CDK14: variants seen among roughly 807,000 people sequenced by gnomAD.
The protein encoded by CDK14 is cyclin dependent kinase 14.
CDK14 carries 34 observed loss-of-function variants against 60.7 expected under a neutral mutation model. The observed-to-expected ratio is 0.56, with a 90% CI of 0.43 to 0.75. The LOEUF is 0.75. Ranked by LOEUF, CDK14 falls within the 30% of genes least tolerant of loss-of-function variation. The pLI, the probability that CDK14 is intolerant of heterozygous loss-of-function variation, is 0.00. For missense variants in CDK14, 482 were observed against 564.1 expected (o/e 0.85, Z 1.47); for synonymous variants, 197 against 203.7 (o/e 0.97, Z 0.28).
intron 14 of CDK14, among the ~76,000 whole-genome samples, chr7:91,193,156 G>A (rs758234293): frequency 1.3e-5 from 2 of 152,082 alleles, no homozygotes; most frequent in African/African-American, 4.8e-5. Context: ...TCTGCAATAT[G>A]TTCTAAAATT....
intron 5 of CDK14, among the ~76,000 whole-genome samples, chr7:90,836,569 T>C (rs555606210): frequency 2.0e-5 from 3 of 152,174 alleles, no homozygotes; most frequent in Non-Finnish European, 4.4e-5. Context: ...AGAACCTGCC[T>C]AAGGCTGTTT....
chr7:90,873,433 CT>C (rs1401108737), intron 6 of CDK14, among the ~76,000 whole-genome samples: 1 of 152,196 alleles, frequency 6.6e-6, no homozygotes, highest in Non-Finnish European at 1.5e-5. Context: ...TAGTAAATGC[CT>C]GTCATGAAAA....
intron 3 of CDK14, among the ~76,000 whole-genome samples, chr7:90,743,799 T>A (rs1309256647): frequency 1.3e-5 from 2 of 152,124 alleles, no homozygotes; most frequent in African/African-American, 4.8e-5. Flanking sequence ...AATACTACTA[T>A]AGGTATTATT....
chr7:91,195,879 C>G (rs1802520619), intron 14 of CDK14, among the ~76,000 whole-genome samples: 1 of 152,202 alleles, frequency 6.6e-6, no homozygotes, highest in African/African-American at 2.4e-5. Flanking sequence ...TACTCCACCA[C>G]CCTCACCTAC....
At chr7:91,007,567 G>A (rs1796014219) in intron 10 of CDK14, among the ~76,000 whole-genome samples, 1 of 152,150 alleles carries the variant, frequency 6.6e-6, no homozygotes, top group South Asian at 2.1e-4. Flanking sequence ...ACTGTTACCA[G>A]TAATTGGCAG....
chr7:90,708,376 A>G (rs913244181), intron 2 of CDK14, among the ~76,000 whole-genome samples: 14 of 152,172 alleles, frequency 9.2e-5, no homozygotes, highest in Non-Finnish European at 1.5e-5. Context: ...CAGGTTCTTG[A>G]AAGACCTGTT....
rs75425709 is a variant in CDK14, at chr7:90,649,567, C to A, written c.123+45318C>A. 2.7e-4 allele frequency among the ~76,000 whole-genome samples: 41 copies of A among 150,694 alleles called. 1 individual carries two copies. The East Asian group carries it at 7.2e-3, about 27-fold the overall frequency. On this transcript the variant is annotated intron_variant, in intron 2 of 14. Transcript: ENST00000380050. ...TGTTGGTTTGCTGCATCCATTAACTCGTCATTTACATTAGGTATTTCTCCT... is the reference window on the plus strand; with the variant it reads ...TGTTGGTTTGCTGCATCCATTAACTAGTCATTTACATTAGGTATTTCTCCT...
chr7:91,030,645 G>A (rs1796735419), intron 10 of CDK14, among the ~76,000 whole-genome samples: 1 of 152,198 alleles, frequency 6.6e-6, no homozygotes, highest in South Asian at 2.1e-4. Context: ...CCTGTCACCT[G>A]GTAGAGGCAC....
chr7:91,114,392 C>T lies in CDK14; in HGVS notation c.1294+1711C>T, dbSNP rs117832831. 8.8e-3 allele frequency among the ~76,000 whole-genome samples: 1,340 copies of T among 152,168 alleles called. 7 individuals carry two copies. The highest frequency in any genetic ancestry group is 0.015 in the Non-Finnish European group (1,007 of 68,012). ...CTGCCAAGGGAGACAGCCTTGTCCC[C>T]GTCATTAACAAGCACAAAGTATGCA... On this transcript the variant is annotated intron_variant, in intron 13 of 14. Coordinates refer to ENST00000380050, the MANE Select transcript of CDK14 (RefSeq NM_001287135.2).
chr7:90,635,052 G>T (rs1319883745), intron 2 of CDK14, among the ~76,000 whole-genome samples: 3 of 152,210 alleles, frequency 2.0e-5, no homozygotes, highest in African/African-American at 7.2e-5. Flanking sequence ...CAGATGAGTA[G>T]GTTGTGAAAA....
chr7:90,718,690 T>C (rs963153497), intron 2 of CDK14, among the ~76,000 whole-genome samples: 29 of 152,306 alleles, frequency 1.9e-4, no homozygotes, highest in Middle Eastern at 3.4e-3. Context: ...CTTTGCTCTG[T>C]GTAGCCACTC....
intron 7 of CDK14, among the ~76,000 whole-genome samples, chr7:90,911,270 T>C (rs1792889649): frequency 2.0e-5 from 3 of 152,158 alleles, no homozygotes; most frequent in African/African-American, 7.2e-5. Flanking sequence ...CTGTTATTCA[T>C]AAAATAATGG....
chr7:90,828,518 A>AT (rs1456246692), intron 5 of CDK14, among the ~76,000 whole-genome samples: 2 of 71,204 alleles, frequency 2.8e-5, no homozygotes, highest in African/African-American at 5.7e-5. Flanking sequence ...TATTTGTTTA[A>AT]TATTTTTTTT....
intron 10 of CDK14, among the ~76,000 whole-genome samples, chr7:90,987,172 AT>A (rs1184335468): frequency 2.0e-5 from 3 of 151,858 alleles, no homozygotes; most frequent in African/African-American, 7.2e-5. Context: ...CTTGTATGAA[AT>A]TTTTGCTATT....
In CDK14 at chr7:90,596,737, C is replaced by T. The variant is rs1799193979; in HGVS notation, c.91+19C>T. On this transcript the variant is annotated intron_variant, in intron 1 of 14. Coordinates refer to ENST00000380050, the MANE Select transcript of CDK14 (RefSeq NM_001287135.2). ...CGCATTGGTGAGTAGCGCGCTGCCC[C>T]CGGCCCCCCCAGCGCCCGCTCCCCT... 3 of 1,595,514 alleles carry T rather than the reference C, an allele frequency of 1.9e-6. No homozygotes were observed. Among genetic ancestry groups the T allele is most frequent in the African/African-American group, 2.7e-5 (2 of 74,550 alleles).
At chr7:90,664,882 A>G (rs1800942749) in intron 2 of CDK14, among the ~76,000 whole-genome samples, 1 of 152,166 alleles carries the variant, frequency 6.6e-6, no homozygotes, top group Non-Finnish European at 1.5e-5. Context: ...TGGCACGTGT[A>G]TACATATGTA....
At chr7:90,620,268 C>G (rs11563524) in intron 2 of CDK14, among the ~76,000 whole-genome samples, 20,243 of 152,146 alleles carry the variant, frequency 0.13, 1,416 homozygotes, top group Middle Eastern at 0.17. Flanking sequence ...AATTAATTAT[C>G]TAATTATTAA....
chr7:91,045,067 AG>A (rs1415972969), intron 10 of CDK14, among the ~76,000 whole-genome samples: 1 of 152,184 alleles, frequency 6.6e-6, no homozygotes, highest in Non-Finnish European at 1.5e-5. Context: ...TAGGGGAGCA[AG>A]GATTTGAACT....
At chr7:91,103,375 A>G (rs139086273) in intron 12 of CDK14, among the ~76,000 whole-genome samples, 2 of 152,002 alleles carry the variant, frequency 1.3e-5, no homozygotes, top group African/African-American at 2.4e-5. Context: ...CATCTTTTCA[A>G]CTTTGATGGT....
Sources: gnomAD v4.1 joint callset for allele counts (sites outside exome capture counted in the v4.1 genomes callset) on GRCh38, gnomAD v4.1.1 for gene constraint, MANE v1.5 for transcripts, NCBI Gene and HGNC (gene_info 2026-07-23, HGNC 2026-07-21) for gene names.